Variants in FAM200B observed in about 807,000 individuals in gnomAD.
FAM200B encodes protein FAM200B.
A neutral mutation model predicts 33.1 loss-of-function variants in FAM200B; 32 were observed. The ratio of observed to expected loss-of-function variants is 0.97; its 90% confidence interval spans 0.73 to 1.30. The LOEUF (loss-of-function observed/expected upper bound fraction) is 1.30. FAM200B is among the 50% of genes most tolerant of loss of function. The probability of loss-of-function intolerance (pLI) is 0.00; values close to 1 mark genes in which losing one functional copy is unlikely to be tolerated. For missense variants in FAM200B, 741 were observed against 754.0 expected, an observed-to-expected ratio of 0.98 and a Z score of 0.20; for synonymous variants, 240 against 264.8, an observed-to-expected ratio of 0.91 and a Z score of 0.91.
chr4:15,667,079 C>T, the FAM200B span, among the ~76,000 whole-genome samples: 3 of 152,070 alleles, frequency 2.0e-5, no homozygotes, highest in Non-Finnish European at 4.4e-5. Flanking sequence ...CATATTTGTA[C>T]CCATTACAAA....
chr4:15,654,446 C>T, the FAM200B span, among the ~76,000 whole-genome samples: 121 of 152,280 alleles, frequency 7.9e-4, no homozygotes, highest in African/African-American at 2.8e-3. Context: ...ATGGTTCTCA[C>T]AGTTAAACCA....
chr4:15,664,339 C>A, the FAM200B span, among the ~76,000 whole-genome samples: 154 of 152,174 alleles, frequency 1.0e-3, 1 homozygote, highest in Non-Finnish European at 2.0e-3. Flanking sequence ...ACCAAACCAG[C>A]TAGTCAGCAA....
chr4:15,666,259 T>C, the FAM200B span, among the ~76,000 whole-genome samples: 1 of 151,828 alleles, frequency 6.6e-6, no homozygotes, highest in East Asian at 1.9e-4. Flanking sequence ...ATTAGCCAGG[T>C]ATGGTGGTGC....
At chr4:15,637,352 TTA>T in the FAM200B span, among the ~76,000 whole-genome samples, 11 of 152,222 alleles carry the variant, frequency 7.2e-5, no homozygotes, top group African/African-American at 2.7e-4. Flanking sequence ...CTATAATGTA[TTA>T]TTTCAGTAAT....
chr4:15,638,230 G>A, the FAM200B span, among the ~76,000 whole-genome samples: 2 of 152,280 alleles, frequency 1.3e-5, no homozygotes, highest in East Asian at 3.9e-4. Flanking sequence ...CTCTGTACTG[G>A]TGGTTTTCAA....
chr4:15,683,094 A>G (rs1334751623), intron 1 of FAM200B, among the ~76,000 whole-genome samples: 1 of 152,224 alleles, frequency 6.6e-6, no homozygotes, highest in Non-Finnish European at 1.5e-5. Flanking sequence ...GTGACGGGGA[A>G]TTTTAGACTA....
upstream of FAM200B, among the ~76,000 whole-genome samples, chr4:15,679,827 A>G (rs1718144243): frequency 6.6e-6 from 1 of 151,802 alleles, no homozygotes. Flanking sequence ...AAAATGGATC[A>G]CTCTATGAAG....
Position 15,687,926 on chromosome 4 carries a change from A to G in FAM200B, c.949A>G (p.Thr317Ala), listed in dbSNP as rs1719038512. 2 of 1,550,436 alleles carry G rather than the reference A, an allele frequency of 1.3e-6. No homozygotes were observed. The highest frequency in any genetic ancestry group is 4.9e-5 in the East Asian group (2 of 40,892). ...AGTAATTAAAAAATTACTAGAAGTTACTAATAATGGTGCTGTGTGGAATCA... is the reference window on the plus strand; with the variant it reads ...AGTAATTAAAAAATTACTAGAAGTTGCTAATAATGGTGCTGTGTGGAATCA... ...SRVIKKLLEV[T>A]NNGAVWNHCF... is the part of the protein sequence containing the mutation. Residue 317 changes from threonine to alanine, a missense_variant, in exon 2 of 2, where the codon ACT (threonine) becomes GCT (alanine). Coordinates refer to ENST00000422728, the MANE Select transcript of FAM200B (RefSeq NM_001145191.2).
At chr4:15,671,732 C>T in the FAM200B span, among the ~76,000 whole-genome samples, 107 of 152,298 alleles carry the variant, frequency 7.0e-4, no homozygotes, top group Non-Finnish European at 1.2e-3. Context: ...AACTTATGCA[C>T]AGCTCACTGA....
chr4:15,672,870 C>CA, the FAM200B span, among the ~76,000 whole-genome samples: 9 of 151,946 alleles, frequency 5.9e-5, no homozygotes. Context: ...TACAGCTGTA[C>CA]AAAAATATTT....
the FAM200B span, among the ~76,000 whole-genome samples, chr4:15,659,512 G>A: frequency 6.6e-6 from 1 of 152,164 alleles, no homozygotes; most frequent in Non-Finnish European, 1.5e-5. Context: ...AGGAGAATGT[G>A]AGCTGCACCG....
At chr4:15,673,521 CATT>C in the FAM200B span, among the ~76,000 whole-genome samples, 1 of 152,164 alleles carries the variant, frequency 6.6e-6, no homozygotes, top group African/African-American at 2.4e-5. Flanking sequence ...AAGACATCAT[CATT>C]GAGATCTATG....
chr4:15,688,321 GA>G lies in FAM200B; in HGVS notation c.1349del (p.Asn450ThrfsTer23), dbSNP rs1242803894. The G allele has an allele frequency of 1.9e-6, 3 of 1,550,164 alleles. No individual in the cohort carries two copies. Among genetic ancestry groups the G allele is most frequent in the Admixed American group, 3.9e-5 (2 of 50,978 alleles). ...ATGAACTGAGTTTAAAACTACAGGG[GA>G]AAAACAGTGATGTATTCCAACATGT... The part of the protein sequence containing the change: ...LNELSLKLQG[K>X]NSDVFQHVER... On this transcript the variant is annotated frameshift_variant, in exon 2 of 2. Transcript: ENST00000422728. LOFTEE classifies it high-confidence loss of function.
chr4:15,638,463 T>G, the FAM200B span: 1 of 1,397,580 alleles, frequency 7.2e-7, no homozygotes, highest in Non-Finnish European at 9.6e-7. Context: ...AAGATGTCAA[T>G]GACCTTACAA....
the FAM200B span, among the ~76,000 whole-genome samples, chr4:15,653,643 A>T: frequency 6.7e-6 from 1 of 150,250 alleles, no homozygotes; most frequent in Non-Finnish European, 1.5e-5. Flanking sequence ...TTTTGAGACC[A>T]TTTTTTTTTT....
chr4:15,669,932 C>T, the FAM200B span, among the ~76,000 whole-genome samples: 15 of 152,108 alleles, frequency 9.9e-5, no homozygotes, highest in African/African-American at 3.6e-4. Context: ...GGTAATCACC[C>T]TAGGTACTAT....
the FAM200B span, among the ~76,000 whole-genome samples, chr4:15,637,635 T>TGGCGCAA: frequency 6.6e-6 from 1 of 152,172 alleles, no homozygotes; most frequent in African/African-American, 2.4e-5. Flanking sequence ...ATAATTACAA[T>TGGCGCAA]TAAACCAGAC....
chr4:15,679,918 C>G (rs1438468762), upstream of FAM200B, among the ~76,000 whole-genome samples: 1 of 152,144 alleles, frequency 6.6e-6, no homozygotes, highest in Non-Finnish European at 1.5e-5. Flanking sequence ...GACAGTTACC[C>G]CTGCAAATGT....
chr4:15,688,626 T>C lies in FAM200B; in HGVS notation c.1649T>C (p.Ile550Thr). The change falls in exon 2 of 2, where the codon ATT (isoleucine) becomes ACT (threonine). Residue 550 changes from isoleucine to threonine, a missense_variant. Physicochemically the swap from Ile to Thr is moderately conservative, Grantham distance 89 (BLOSUM62 -1). Coordinates refer to ENST00000422728, the MANE Select transcript of FAM200B (RefSeq NM_001145191.2). ...GCTTTTCGACACCCTGAATCAATAA[T>C]TGAGCTAAACTTGGTGCCTGAAGAA... ...PFAFRHPESI[I>T]ELNLVPEEEN... 6.4e-7 allele frequency: 1 copy of C among 1,551,264 alleles called. No homozygotes were observed. The highest frequency in any genetic ancestry group is 1.4e-5 in the African/African-American group (1 of 73,172).
Sources: gnomAD v4.1 joint callset for allele counts (sites outside exome capture counted in the v4.1 genomes callset) on GRCh38, gnomAD v4.1.1 for gene constraint, MANE v1.5 for transcripts, NCBI Gene and HGNC (gene_info 2026-07-23, HGNC 2026-07-21) for gene names.